ANO6: variants seen among roughly 807,000 people sequenced by gnomAD.
The protein encoded by ANO6 is anoctamin 6.
Under a neutral mutation model 117.5 loss-of-function variants are expected in ANO6, and 106 were observed. The ratio of observed to expected loss-of-function variants is 0.90; its 90% CI spans 0.77 to 1.06. The LOEUF is 1.06. Among genes scored for constraint, ANO6 ranks in the 50% least tolerant of loss-of-function variants. The pLI, the probability that ANO6 is intolerant of heterozygous loss-of-function variation, is 0.00. For missense variants in ANO6, 955 were observed against 1,121.1 expected, an observed-to-expected ratio of 0.85 and a Z score of 2.12; for synonymous variants, 367 against 385.1, an observed-to-expected ratio of 0.95 and a Z score of 0.55.
At chr12:45,343,197 A>T (rs926936663) in intron 3 of ANO6, among the ~76,000 whole-genome samples, 2 of 152,192 alleles carry the variant, frequency 1.3e-5, no homozygotes, top group African/African-American at 4.8e-5. Flanking sequence ...TAATAAGGCC[A>T]TTGAACAGAG....
At chr12:45,397,749 A>G (rs1441569687) in intron 12 of ANO6, among the ~76,000 whole-genome samples, 1 of 152,084 alleles carries the variant, frequency 6.6e-6, no homozygotes, top group East Asian at 1.9e-4. Context: ...AAAACCAAAC[A>G]CCGCATGTTC....
At chr12:45,219,503 A>ATTTTTTTTTTTTTTTTT (rs59216107) in intron 1 of ANO6, among the ~76,000 whole-genome samples, 1 of 119,690 alleles carries the variant, frequency 8.4e-6, no homozygotes. Flanking sequence ...TGCCTGGCCA[A>ATTTTTTTTTTTTTTTTT]TTTTTTTTTT....
chr12:45,295,119 G>T (rs1459492243), intron 1 of ANO6, among the ~76,000 whole-genome samples: 2 of 152,164 alleles, frequency 1.3e-5, no homozygotes, highest in African/African-American at 2.4e-5. Flanking sequence ...CAAGTCCATT[G>T]TCCTGTGTAG....
chr12:45,398,556 G>T (rs1190231082), intron 12 of ANO6, among the ~76,000 whole-genome samples: 1 of 152,146 alleles, frequency 6.6e-6, no homozygotes, highest in Non-Finnish European at 1.5e-5. Flanking sequence ...AAAATGGTCA[G>T]TAAAAGTAAG....
At chr12:45,245,897 C>T (rs150997455) in intron 1 of ANO6, among the ~76,000 whole-genome samples, 6 of 149,330 alleles carry the variant, frequency 4.0e-5, no homozygotes, top group African/African-American at 1.2e-4. Flanking sequence ...TGTAATTTTG[C>T]GTAGATTCTC....
At chr12:45,328,374 C>G (rs1301669798) in intron 2 of ANO6, among the ~76,000 whole-genome samples, 1 of 151,882 alleles carries the variant, frequency 6.6e-6, no homozygotes, top group Non-Finnish European at 1.5e-5. Flanking sequence ...ACTTTTTTGG[C>G]TCAATTATTA....
chr12:45,432,232 A>G lies in ANO6; in HGVS notation c.*2921A>G. On this transcript the variant is annotated 3_prime_UTR_variant, in exon 20 of 20. Coordinates refer to ENST00000320560, the MANE Select transcript of ANO6 (RefSeq NM_001025356.3). ...TGTGGCATAAGATGTAAAGTTTGTAATTAATGTTAATTTCTGTGCATTTTA... is the reference window on the plus strand; with the variant it reads ...TGTGGCATAAGATGTAAAGTTTGTAGTTAATGTTAATTTCTGTGCATTTTA... The G allele has an allele frequency of 1.0e-6, 1 of 953,610 alleles. No homozygotes were observed. The highest frequency in any genetic ancestry group is 1.2e-6 in the Non-Finnish European group (1 of 803,534). 59.1% of individuals were successfully genotyped at this position (953,610 alleles called of 1,614,324 possible).
chr12:45,344,605 C>T (rs974632693), intron 3 of ANO6, among the ~76,000 whole-genome samples: 6 of 152,138 alleles, frequency 3.9e-5, no homozygotes, highest in Non-Finnish European at 8.8e-5. Flanking sequence ...AAATCACCCC[C>T]ATCAGGCCCC....
chr12:45,301,450 T>C (rs1939485104), intron 1 of ANO6, among the ~76,000 whole-genome samples: 1 of 146,888 alleles, frequency 6.8e-6, no homozygotes. Context: ...AAAAAAAATG[T>C]TTTTTAATGT....
chr12:45,255,337 T>C (rs893867137), intron 1 of ANO6, among the ~76,000 whole-genome samples: 1 of 152,140 alleles, frequency 6.6e-6, no homozygotes, highest in Admixed American at 6.5e-5. Context: ...CCGTCTCTAC[T>C]AAAAATACAA....
At chr12:45,414,770 T>C (rs905603413) in intron 16 of ANO6, among the ~76,000 whole-genome samples, 4 of 152,232 alleles carry the variant, frequency 2.6e-5, no homozygotes, top group African/African-American at 9.7e-5. Flanking sequence ...AGCTTTTCTT[T>C]TCTTTCTTTG....
At chr12:45,425,912 T>C (rs553882983) in intron 19 of ANO6, among the ~76,000 whole-genome samples, 3 of 152,332 alleles carry the variant, frequency 2.0e-5, no homozygotes, top group African/African-American at 7.2e-5. Context: ...TGTTCCACTA[T>C]AGAGTAAGTC....
chr12:45,373,315 C>T (rs1182608974), intron 9 of ANO6, among the ~76,000 whole-genome samples: 1 of 151,572 alleles, frequency 6.6e-6, no homozygotes, highest in East Asian at 1.9e-4. Flanking sequence ...GACAGAAAGT[C>T]AACAAGGATA....
chr12:45,244,415 G>GT (rs1491241146), intron 1 of ANO6, among the ~76,000 whole-genome samples: 2 of 133,838 alleles, frequency 1.5e-5, no homozygotes, highest in African/African-American at 5.7e-5. Context: ...GGGGGGGGGG[G>GT]TGGTCTGTGG....
At position 45,377,489 on chromosome 12, in the gene ANO6, G is replaced by C. The variant is rs537167161; in HGVS notation, c.1105-564G>C. Reference sequence around the variant, plus strand: ...ATCCTTTATTCCAATAGAAGCATCTGTCAGTGATGGTAGAAAAGCCATCAT... The same window carrying C: ...ATCCTTTATTCCAATAGAAGCATCTCTCAGTGATGGTAGAAAAGCCATCAT... On this transcript the variant is annotated intron_variant, in intron 9 of 19. Transcript: ENST00000320560. 4.7e-4 allele frequency among the ~76,000 whole-genome samples: 72 copies of C among 152,266 alleles called. No homozygotes were observed. The Middle Eastern group carries it at 0.014, about 29-fold the overall frequency.
At chr12:45,336,275 A>G (rs1191432889) in intron 3 of ANO6, among the ~76,000 whole-genome samples, 2 of 152,014 alleles carry the variant, frequency 1.3e-5, no homozygotes, top group Non-Finnish European at 2.9e-5. Context: ...TCTTATGCAT[A>G]TTAAGTATTT....
At chr12:45,331,467 G>A (rs762235354) in intron 3 of ANO6, 44 bp downstream of exon 3, 2 of 1,531,248 alleles carry the variant, frequency 1.3e-6, no homozygotes, top group African/African-American at 1.4e-5. Context: ...TTCTTATATT[G>A]TAACATGAAA....
At chr12:45,366,578 A>G (rs921590677) in intron 8 of ANO6, among the ~76,000 whole-genome samples, 5 of 151,970 alleles carry the variant, frequency 3.3e-5, no homozygotes, top group Non-Finnish European at 7.4e-5. Context: ...TGACGTCTTT[A>G]TTTTCTTCTG....
chr12:45,251,345 C>T (rs746755052), intron 1 of ANO6, among the ~76,000 whole-genome samples: 19 of 152,160 alleles, frequency 1.2e-4, no homozygotes, highest in Non-Finnish European at 2.1e-4. Flanking sequence ...TAGAGCTTAG[C>T]GAATTAAGGC....
Sources: allele counts gnomAD v4.1 joint callset (sites outside exome capture counted in the v4.1 genomes callset), GRCh38; gene constraint gnomAD v4.1.1; transcripts MANE v1.5; gene names NCBI Gene and HGNC (gene_info 2026-07-23, HGNC 2026-07-21).